The following CNTN5 variants were observed in gnomAD, a reference collection of about 807,000 sequenced individuals.
CNTN5 encodes contactin 5.
Under a neutral mutation model 129.1 loss-of-function variants are expected in CNTN5, and 77 were observed. The ratio of observed to expected loss-of-function variants is 0.60; its 90% CI spans 0.50 to 0.72. CNTN5 has a LOEUF of 0.72. CNTN5 is among the 30% of genes least tolerant of loss of function. The pLI, the probability that CNTN5 is intolerant of heterozygous loss-of-function variation, is 0.00. For synonymous variants in CNTN5, 509 were observed against 465.6 expected, an observed-to-expected ratio of 1.09 and a Z score of -1.20; for missense variants, 1,478 against 1,328.8, an observed-to-expected ratio of 1.11 and a Z score of -1.75.
At chr11:99,987,030 A>AT (rs1252429510) in intron 8 of CNTN5, among the ~76,000 whole-genome samples, 2 of 152,174 alleles carry the variant, frequency 1.3e-5, no homozygotes, top group Admixed American at 6.5e-5. Context: ...CAAAATATAG[A>AT]TTTTTTCATA....
intron 15 of CNTN5, among the ~76,000 whole-genome samples, chr11:100,205,616 C>T (rs780370227): frequency 2.6e-5 from 4 of 151,988 alleles, no homozygotes; most frequent in Non-Finnish European, 5.9e-5. Flanking sequence ...TTCTGTCTCA[C>T]GGGTTCTGTA....
rs566196634 is a variant in CNTN5 at position 100,340,040 on chromosome 11, A to G, written c.2731-423A>G. 4.6e-5 allele frequency among the ~76,000 whole-genome samples: 7 copies of G among 152,296 alleles called. No homozygotes were observed. The East Asian group carries it at 1.4e-3, about 29-fold the overall frequency. On this transcript the variant is annotated intron_variant, in intron 21 of 24. Coordinates refer to ENST00000524871, the MANE Select transcript of CNTN5 (RefSeq NM_014361.4). ...GATACAGCTCGTGTGATTCATCTTT[A>G]TGTGAAGCTCAAGAGGAAATACTCA...
chr11:99,818,736 A>C (rs886423772), intron 3 of CNTN5, among the ~76,000 whole-genome samples: 9 of 152,182 alleles, frequency 5.9e-5, no homozygotes, highest in African/African-American at 2.2e-4. Context: ...CATAAAGGAA[A>C]GTTAGTTCAA....
At chr11:99,817,158 T>C (rs575765236) in intron 3 of CNTN5, among the ~76,000 whole-genome samples, 7 of 152,234 alleles carry the variant, frequency 4.6e-5, no homozygotes, top group African/African-American at 9.6e-5. Flanking sequence ...GGCAGGATTA[T>C]TCACTTTTGT....
chr11:99,428,284 A>G (rs986220291), intron 2 of CNTN5, among the ~76,000 whole-genome samples: 4 of 152,218 alleles, frequency 2.6e-5, no homozygotes, highest in Admixed American at 2.6e-4. Flanking sequence ...TTACAGCTGA[A>G]TACAGTGGCT....
chr11:99,378,714 A>T (rs1298520589), intron 2 of CNTN5, among the ~76,000 whole-genome samples: 1 of 152,120 alleles, frequency 6.6e-6, no homozygotes, highest in East Asian at 1.9e-4. Flanking sequence ...GGATGACTAT[A>T]TGCATATGTA....
chr11:99,378,216 T>C (rs1319636422), intron 2 of CNTN5, among the ~76,000 whole-genome samples: 1 of 152,162 alleles, frequency 6.6e-6, no homozygotes, highest in Non-Finnish European at 1.5e-5. Context: ...TGTCCCACTC[T>C]AGGCTCTGTT....
chr11:99,859,810 G>A (rs551549973), intron 6 of CNTN5, among the ~76,000 whole-genome samples: 3 of 152,248 alleles, frequency 2.0e-5, no homozygotes, highest in African/African-American at 7.2e-5. Context: ...CAGTGAACAT[G>A]TGAGTGCATG....
intron 1 of CNTN5, among the ~76,000 whole-genome samples, chr11:99,051,722 T>C (rs1043083564): frequency 3.9e-5 from 6 of 151,900 alleles, no homozygotes; most frequent in Admixed American, 2.6e-4. Flanking sequence ...TGATTAGGTA[T>C]CAGTCAATCC....
At chr11:100,073,549 T>A (rs1421211336) in intron 12 of CNTN5, among the ~76,000 whole-genome samples, 1 of 151,942 alleles carries the variant, frequency 6.6e-6, no homozygotes, top group Non-Finnish European at 1.5e-5. Context: ...GATTCAAAAG[T>A]GTTTTGATCT....
intron 3 of CNTN5, among the ~76,000 whole-genome samples, chr11:99,793,954 C>G (rs564576658): frequency 2.6e-5 from 4 of 152,276 alleles, no homozygotes; most frequent in African/African-American, 9.6e-5. Context: ...TTGAGTTCAG[C>G]TCCTGAATAT....
At chr11:99,711,514 G>A (rs191398602) in intron 3 of CNTN5, among the ~76,000 whole-genome samples, 1 of 151,704 alleles carries the variant, frequency 6.6e-6, no homozygotes, top group East Asian at 2.0e-4. Context: ...TAAGTTCTGG[G>A]GTACATATGC....
chr11:99,808,149 C>A (rs111783321), intron 3 of CNTN5, among the ~76,000 whole-genome samples: 68 of 152,210 alleles, frequency 4.5e-4, no homozygotes, highest in African/African-American at 1.4e-3. Context: ...CATAACTTAG[C>A]CAAGAAACAG....
At chr11:99,699,275 C>G (rs1483054929) in intron 3 of CNTN5, among the ~76,000 whole-genome samples, 1 of 151,402 alleles carries the variant, frequency 6.6e-6, no homozygotes, top group Non-Finnish European at 1.5e-5. Context: ...ACATTTGCTA[C>G]TTATATTTAA....
intron 2 of CNTN5, among the ~76,000 whole-genome samples, chr11:99,501,966 G>C (rs1946442487): frequency 1.3e-5 from 2 of 152,168 alleles, no homozygotes; most frequent in African/African-American, 4.8e-5. Flanking sequence ...TCATCAACCA[G>C]GGATTTCTGG....
At chr11:99,732,607 G>A (rs1318987030) in intron 3 of CNTN5, among the ~76,000 whole-genome samples, 1 of 152,186 alleles carries the variant, frequency 6.6e-6, no homozygotes, top group Non-Finnish European at 1.5e-5. Flanking sequence ...GAAGGATGCT[G>A]GAGAAGGCCT....
intron 1 of CNTN5, among the ~76,000 whole-genome samples, chr11:99,263,083 T>A (rs1862717505): frequency 1.3e-5 from 2 of 152,154 alleles, no homozygotes; most frequent in Admixed American, 1.3e-4. Flanking sequence ...AGTCCTATTG[T>A]CTTAAGAAGT....
At chr11:99,191,356 T>C (rs1858633099) in intron 1 of CNTN5, among the ~76,000 whole-genome samples, 1 of 151,748 alleles carries the variant, frequency 6.6e-6, no homozygotes, top group South Asian at 2.1e-4. Flanking sequence ...TAAAATGAGT[T>C]TGGAAATATT....
At chr11:99,159,491 G>C (rs561374109) in intron 1 of CNTN5, among the ~76,000 whole-genome samples, 29 of 151,980 alleles carry the variant, frequency 1.9e-4, no homozygotes, top group African/African-American at 6.3e-4. Flanking sequence ...GCATAGTGGC[G>C]GGCGCCTGTA....
Sources: gnomAD v4.1 joint callset for allele counts (sites outside exome capture counted in the v4.1 genomes callset) on GRCh38, gnomAD v4.1.1 for gene constraint, MANE v1.5 for transcripts, NCBI Gene and HGNC (gene_info 2026-07-23, HGNC 2026-07-21) for gene names.